SLC7A1: variants seen among roughly 807,000 people sequenced by gnomAD.
The protein encoded by SLC7A1 is high affinity cationic amino acid transporter 1.
A neutral mutation model predicts 53.9 loss-of-function variants in SLC7A1; 10 were observed. The observed-to-expected ratio is 0.19, with a 90% confidence interval of 0.11 to 0.31. The LOEUF is 0.31. Ranked by LOEUF, SLC7A1 falls within the 10% of genes least tolerant of loss-of-function variation. The pLI is 1.00. For synonymous variants in SLC7A1, 342 were observed against 338.7 expected (o/e 1.01, Z -0.11); for missense variants, 525 against 827.2 (o/e 0.63, Z 4.48).
At chr13:29,533,480 ATTC>A (rs558746944) in intron 3 of SLC7A1, among the ~76,000 whole-genome samples, 3 of 152,196 alleles carry the variant, frequency 2.0e-5, no homozygotes, top group South Asian at 4.1e-4. Flanking sequence ...CTGCACCATA[ATTC>A]TTCTCTCAGC....
chr13:29,525,942 C>G (rs927777816), intron 5 of SLC7A1, among the ~76,000 whole-genome samples: 1 of 152,236 alleles, frequency 6.6e-6, no homozygotes, highest in African/African-American at 2.4e-5. Context: ...CCAGAGGCCC[C>G]GCCGGCCACC....
chr13:29,537,331 C>T (rs1869467638), intron 2 of SLC7A1, among the ~76,000 whole-genome samples: 1 of 152,200 alleles, frequency 6.6e-6, no homozygotes, highest in African/African-American at 2.4e-5. Context: ...AACCCACAGC[C>T]CCAGGCTAAC....
chr13:29,593,980 A>G (rs914351391), intron 1 of SLC7A1, among the ~76,000 whole-genome samples: 5 of 152,236 alleles, frequency 3.3e-5, no homozygotes, highest in Non-Finnish European at 5.9e-5. Flanking sequence ...TCTATTGTTG[A>G]CCTTTCCCCT....
intron 1 of SLC7A1, among the ~76,000 whole-genome samples, chr13:29,572,699 C>G (rs1871251087): frequency 6.6e-6 from 1 of 152,152 alleles, no homozygotes; most frequent in African/African-American, 2.4e-5. Flanking sequence ...GTTCTCTGCC[C>G]TAGTTTGTAA....
At chr13:29,568,544 G>A (rs572904505) in intron 1 of SLC7A1, among the ~76,000 whole-genome samples, 1 of 152,156 alleles carries the variant, frequency 6.6e-6, no homozygotes, top group African/African-American at 2.4e-5. Flanking sequence ...AAATAAAAAC[G>A]CATGTGCATT....
chr13:29,515,052 G>A (rs1883515361), intron 12 of SLC7A1, among the ~76,000 whole-genome samples: 1 of 152,238 alleles, frequency 6.6e-6, no homozygotes, highest in African/African-American at 2.4e-5. Context: ...CTGAGCCCCA[G>A]GAATGGACTT....
At chr13:29,541,661 T>C (rs1566262034) in intron 2 of SLC7A1, among the ~76,000 whole-genome samples, 5 of 152,148 alleles carry the variant, frequency 3.3e-5, no homozygotes, top group Admixed American at 1.3e-4. Context: ...ACTGGGAAAA[T>C]CATGAGTAAC....
At chr13:29,593,498 A>G (rs1245143261) in intron 1 of SLC7A1, among the ~76,000 whole-genome samples, 1 of 152,230 alleles carries the variant, frequency 6.6e-6, no homozygotes, top group African/African-American at 2.4e-5. Flanking sequence ...CATAACAAGG[A>G]TGCACTTATT....
chr13:29,510,213 G>C lies in SLC7A1; in HGVS notation c.*4267C>G, dbSNP rs978079963. ...ATGGCAACTGTGCCCCGAGACTCCA[G>C]GCCCAGCCGGGTCCCGATGGCGAGA... On this transcript the variant is annotated 3_prime_UTR_variant, in exon 13 of 13. Transcript: ENST00000380752. The C allele has an allele frequency of 1.3e-5, 2 of 152,628 alleles. No homozygotes were observed. The highest frequency in any genetic ancestry group is 2.9e-5 in the Non-Finnish European group (2 of 68,058). 9.5% of individuals were successfully genotyped at this position (152,628 alleles called of 1,614,324 possible). A position where few individuals can be genotyped will look rare whatever the true frequency, so the allele number is the denominator to read the frequency against.
At chr13:29,531,141 G>C (rs1050980096) in intron 4 of SLC7A1, among the ~76,000 whole-genome samples, 5 of 152,172 alleles carry the variant, frequency 3.3e-5, no homozygotes, top group Non-Finnish European at 7.3e-5. Flanking sequence ...TAGTTTCCTG[G>C]GAGAATGGAC....
chr13:29,521,729 C>T (rs1395108277), intron 8 of SLC7A1, among the ~76,000 whole-genome samples: 2 of 152,210 alleles, frequency 1.3e-5, no homozygotes, highest in African/African-American at 2.4e-5. Context: ...TCAGATTAGT[C>T]CACTGATTTC....
chr13:29,594,570 T>C (rs1340351822), intron 1 of SLC7A1, among the ~76,000 whole-genome samples: 2 of 152,210 alleles, frequency 1.3e-5, no homozygotes, highest in African/African-American at 2.4e-5. Context: ...GACTCTGACC[T>C]GCCCATGCCT....
rs76853176 is a variant in SLC7A1 at position 29,554,541 on chromosome 13, G to A, written c.-114-681C>T. Among the ~76,000 whole-genome samples, 81 of 152,272 alleles carry A rather than the reference G, an allele frequency of 5.3e-4. No homozygotes were observed. The East Asian group carries it at 0.013, about 25-fold the overall frequency. On this transcript the variant is annotated intron_variant, in intron 1 of 12. Transcript: ENST00000380752. ...TGAACGCAGCCTGAGGACACGCTAC[G>A]AAGAACCTCATAGATGCATGGCATA...
intron 3 of SLC7A1, among the ~76,000 whole-genome samples, 194 bp from the exon 4 acceptor site, chr13:29,533,176 A>T (rs1226176428): frequency 6.6e-6 from 1 of 152,198 alleles, no homozygotes; most frequent in Non-Finnish European, 1.5e-5. Flanking sequence ...GAAGGCTTCT[A>T]GGGCCTACAG....
rs528302931 is a variant in SLC7A1, at chr13:29,516,694, C to A, written c.1678-448G>T. On this transcript the variant is annotated intron_variant, in intron 11 of 12. Transcript: ENST00000380752. Reference sequence around the variant, plus strand: ...GACATTTACGAGAAGCATCCCACCACCCCGGAGGGACTGCTCCACTGGGTC... The same window carrying A: ...GACATTTACGAGAAGCATCCCACCAACCCGGAGGGACTGCTCCACTGGGTC... 4.3e-3 allele frequency among the ~76,000 whole-genome samples: 659 copies of A among 152,364 alleles called. 2 individuals carry two copies. Among genetic ancestry groups the A allele is most frequent in the Middle Eastern group, 0.02 (6 of 294 alleles).
chr13:29,530,787 T>C (rs1443167532), intron 4 of SLC7A1, 75 bp from the exon 5 acceptor site: 1 of 1,260,732 alleles, frequency 7.9e-7, no homozygotes, highest in Non-Finnish European at 1.1e-6. Flanking sequence ...TGGATGGGGA[T>C]AAGAAGGCGA....
intron 4 of SLC7A1, among the ~76,000 whole-genome samples, 189 bp from the exon 5 acceptor site, chr13:29,530,901 T>C (rs1443684331): frequency 6.6e-6 from 1 of 152,118 alleles, no homozygotes; most frequent in Non-Finnish European, 1.5e-5. Context: ...GGGGTTTAAA[T>C]CACCAAGGTT....
intron 1 of SLC7A1, among the ~76,000 whole-genome samples, chr13:29,555,357 CAAA>C (rs538934310): frequency 2.6e-3 from 49 of 18,768 alleles, no homozygotes; most frequent in Non-Finnish European, 4.4e-3. Flanking sequence ...GACTCCGTCT[CAAA>C]AAAAAAAAAA....
chr13:29,533,034 GT>G, intron 3 of SLC7A1, 52 bp from the exon 4 acceptor site: 1 of 1,532,682 alleles, frequency 6.5e-7, no homozygotes, highest in Non-Finnish European at 8.8e-7. Flanking sequence ...TGTTAGCCAG[GT>G]ATTTGTAGTG....
Sources: allele counts gnomAD v4.1 joint callset (sites outside exome capture counted in the v4.1 genomes callset), GRCh38; gene constraint gnomAD v4.1.1; transcripts MANE v1.5; gene names NCBI Gene and HGNC (gene_info 2026-07-23, HGNC 2026-07-21).